Variants in TNPO3 observed in about 807,000 individuals in gnomAD.
The protein encoded by TNPO3 is transportin-3.
In TNPO3, 65 loss-of-function variants were observed where a neutral mutation model predicts 122.8. The observed-to-expected ratio is 0.53, with a 90% CI of 0.43 to 0.65. The LOEUF (loss-of-function observed/expected upper bound fraction) is 0.65, where lower values mean the gene tolerates loss of function less well. Ranked by LOEUF, TNPO3 falls within the 30% of genes least tolerant of loss-of-function variation. The probability of loss-of-function intolerance (pLI) is 0.00; values close to 1 mark genes in which losing one functional copy is unlikely to be tolerated. For synonymous variants in TNPO3, 372 were observed against 411.2 expected (o/e 0.90, Z 1.15); for missense variants, 850 against 1,136.7 (o/e 0.75, Z 3.63).
chr7:129,041,542 G>A, intron 1 of TNPO3: 2 of 985,078 alleles, frequency 2.0e-6, no homozygotes, highest in Non-Finnish European at 2.4e-6. Context: ...TATAAGGAGA[G>A]AATAAAGCAC....
intron 4 of TNPO3, among the ~76,000 whole-genome samples, chr7:129,007,067 C>T (rs1802654132): frequency 6.6e-6 from 1 of 152,094 alleles, no homozygotes; most frequent in East Asian, 1.9e-4. Flanking sequence ...ATAAGCTGAC[C>T]AGTCATTGCA....
At chr7:128,957,411 A>G in intron 21 of TNPO3, 96 bp from the exon 22 acceptor site, 1 of 1,271,362 alleles carries the variant, frequency 7.9e-7, no homozygotes, top group Non-Finnish European at 1.1e-6. Flanking sequence ...GAACCGTCCC[A>G]ACTCTGCTAG....
intron 16 of TNPO3, 69 bp downstream of exon 16, chr7:128,978,914 G>A: frequency 6.4e-7 from 1 of 1,573,312 alleles, no homozygotes; most frequent in Non-Finnish European, 8.7e-7. Flanking sequence ...TTACAGACGT[G>A]AGCCACCGCA....
intron 4 of TNPO3, among the ~76,000 whole-genome samples, chr7:129,010,900 T>G (rs901772606): frequency 2.6e-5 from 4 of 151,110 alleles, no homozygotes; most frequent in African/African-American, 9.7e-5. Flanking sequence ...GAGACCAGGT[T>G]TGAGACCATA....
chr7:128,986,110 C>A (rs1800114700), intron 12 of TNPO3, among the ~76,000 whole-genome samples: 2 of 152,204 alleles, frequency 1.3e-5, no homozygotes. Context: ...CAAGTGACTA[C>A]TCATAAAATA....
intron 4 of TNPO3, among the ~76,000 whole-genome samples, chr7:129,008,539 C>T (rs759489143): frequency 2.0e-5 from 3 of 151,954 alleles, no homozygotes; most frequent in Non-Finnish European, 4.4e-5. Flanking sequence ...ACTAAAATGG[C>T]CAGAATTTTT....
chr7:128,962,306 A>C (rs1585320297), intron 21 of TNPO3, among the ~76,000 whole-genome samples: 1 of 148,250 alleles, frequency 6.7e-6, no homozygotes, highest in African/African-American at 2.5e-5. Flanking sequence ...TGGAGCTTGC[A>C]GTGAGCCGAG....
At chr7:128,975,492 G>A (rs889089230) in intron 17 of TNPO3, among the ~76,000 whole-genome samples, 5 of 152,086 alleles carry the variant, frequency 3.3e-5, no homozygotes, top group African/African-American at 1.2e-4. Context: ...GCTGTTCCAG[G>A]CAAGAAGTTA....
intron 4 of TNPO3, among the ~76,000 whole-genome samples, chr7:129,008,899 T>C (rs35234849): frequency 0.09 from 13,732 of 152,268 alleles, 857 homozygotes; most frequent in South Asian, 0.15. Context: ...ATTCTAACTA[T>C]TGACTCAAAC....
At chr7:128,991,861 C>A in intron 10 of TNPO3, 138 bp downstream of exon 10, 1 of 458,220 alleles carries the variant, frequency 2.2e-6, no homozygotes, top group Non-Finnish European at 3.8e-6. Flanking sequence ...CTCTAGAAGT[C>A]AGAAGACTAG....
At chr7:129,009,457 T>G (rs1802943833) in intron 4 of TNPO3, among the ~76,000 whole-genome samples, 1 of 152,212 alleles carries the variant, frequency 6.6e-6, no homozygotes, top group Non-Finnish European at 1.5e-5. Context: ...TTTCATCCCC[T>G]GGGTTCTATA....
intron 4 of TNPO3, among the ~76,000 whole-genome samples, chr7:129,010,928 CAAA>C (rs34945917): frequency 6.8e-6 from 1 of 147,966 alleles, no homozygotes; most frequent in Non-Finnish European, 1.5e-5. Context: ...TCTATATCTA[CAAA>C]AAAAAAAAAT....
chr7:129,018,544 T>C (rs2150438720), intron 1 of TNPO3, among the ~76,000 whole-genome samples: 1 of 152,338 alleles, frequency 6.6e-6, no homozygotes, highest in Middle Eastern at 3.4e-3. Flanking sequence ...TTTTCTTGCT[T>C]AAAATAAAGC....
At chr7:129,021,053 A>C (rs1469253649) in intron 1 of TNPO3, among the ~76,000 whole-genome samples, 3 of 152,124 alleles carry the variant, frequency 2.0e-5, no homozygotes, top group Admixed American at 6.6e-5. Flanking sequence ...TGAGGATGGC[A>C]GTTGAAAATG....
chr7:129,028,513 G>C (rs556424487), intron 1 of TNPO3, among the ~76,000 whole-genome samples: 1 of 152,154 alleles, frequency 6.6e-6, no homozygotes, highest in Admixed American at 6.5e-5. Context: ...AAAGATTTAG[G>C]GCAAAGATTA....
intron 2 of TNPO3, among the ~76,000 whole-genome samples, 177 bp downstream of exon 2, chr7:129,017,780 A>T (rs1377997478): frequency 2.0e-5 from 3 of 152,196 alleles, no homozygotes; most frequent in Non-Finnish European, 2.9e-5. Flanking sequence ...AACCAAATGA[A>T]CTCCAAGATT....
rs1193471279 is a variant in TNPO3, at chr7:128,970,206, G to T, written c.2540C>A (p.Pro847His). 6 of 1,614,054 alleles carry T rather than the reference G, an allele frequency of 3.7e-6. No individual in the cohort carries two copies. The highest frequency in any genetic ancestry group is 1.7e-5 in the Admixed American group (1 of 59,994). The change falls in exon 20 of 23, where the codon CCC becomes CAC. Residue 847 changes from proline (P) to histidine (H), a missense_variant. Physicochemically the swap from Pro to His is moderately conservative, Grantham distance 77. Coordinates refer to ENST00000265388, the MANE Select transcript of TNPO3 (RefSeq NM_012470.4). ...TTCAGCCACATCTGGTAGGGTATAG[G>T]GGGGGAGGCAAAAGCAGCAGGTGTG... ...LLHTCCFCLPPYTLPDVAEVL... is the reference protein window; with the variant it reads ...LLHTCCFCLPHYTLPDVAEVL...
At chr7:129,011,058 C>T (rs1257147759) in intron 4 of TNPO3, among the ~76,000 whole-genome samples, 3 of 152,084 alleles carry the variant, frequency 2.0e-5, no homozygotes, top group East Asian at 1.9e-4. Context: ...TTACATATAA[C>T]GAATAGCTTT....
At chr7:128,974,846 T>C (rs778302146) in intron 18 of TNPO3, 22 bp downstream of exon 18, 1 of 1,592,208 alleles carries the variant, frequency 6.3e-7, no homozygotes, top group Non-Finnish European at 8.6e-7. Context: ...AATTAAGAAA[T>C]GGGCTCTTCA....
Sources: allele counts gnomAD v4.1 joint callset (sites outside exome capture counted in the v4.1 genomes callset), GRCh38; gene constraint gnomAD v4.1.1; transcripts MANE v1.5; gene names NCBI Gene and HGNC (gene_info 2026-07-23, HGNC 2026-07-21).